RASL12: variants seen among roughly 807,000 people sequenced by gnomAD.
RASL12 encodes the protein ras-like protein family member 12.
A neutral mutation model predicts 22.9 loss-of-function variants in RASL12; 16 were observed. The observed-to-expected ratio is 0.70, with a 90% CI of 0.47 to 1.06. The LOEUF is 1.06. RASL12 is among the 50% of genes least tolerant of loss of function. RASL12 has a pLI of 0.00. For missense variants in RASL12, 306 were observed against 353.1 expected (o/e 0.87, Z 1.07); for synonymous variants, 159 against 152.2 (o/e 1.04, Z -0.33).
chr15:65,060,504 T>TA (rs1257779214), intron 2 of RASL12, among the ~76,000 whole-genome samples: 2 of 152,326 alleles, frequency 1.3e-5, no homozygotes, highest in East Asian at 3.9e-4. Flanking sequence ...GTTACTTTTT[T>TA]TATATATATG....
At chr15:65,073,265 CTATTAT>C (rs2086943953) in intron 1 of RASL12, among the ~76,000 whole-genome samples, 1 of 152,134 alleles carries the variant, frequency 6.6e-6, no homozygotes, top group Non-Finnish European at 1.5e-5. Flanking sequence ...CATTTTATTT[CTATTAT>C]TATTATAACA....
the RASL12 span, among the ~76,000 whole-genome samples, chr15:65,047,763 C>CAGAT: frequency 2.0e-5 from 3 of 150,020 alleles, no homozygotes; most frequent in Non-Finnish European, 4.4e-5. Context: ...GGTAGGTAGG[C>CAGAT]AGATAGATAG....
rs745791449 is a variant in RASL12, at chr15:65,058,388, G to A, written c.425+39C>T. ...CCACCTGACCTTACAAGTGAAGAAA[G>A]CGAGCTCTGGAGATAACGGCCAAGC... is the stretch of plus-strand genomic sequence containing the variant. On this transcript the variant is annotated intron_variant, in intron 4 of 4. Coordinates refer to ENST00000220062, the MANE Select transcript of RASL12 (RefSeq NM_016563.4). 8 of 1,403,400 alleles carry A rather than the reference G, an allele frequency of 5.7e-6. No homozygotes were observed. The East Asian group carries it at 1.8e-4, about 32-fold the overall frequency. 86.9% of individuals were successfully genotyped at this position (1,403,400 alleles called of 1,614,324 possible). A position where few individuals can be genotyped will look rare whatever the true frequency, so the allele number is the denominator to read the frequency against.
chr15:65,047,944 C>T, the RASL12 span, among the ~76,000 whole-genome samples: 12 of 152,000 alleles, frequency 7.9e-5, no homozygotes, highest in Non-Finnish European at 1.5e-4. Context: ...TTTGGGAGGC[C>T]GAGGCGAGTG....
the RASL12 span, among the ~76,000 whole-genome samples, chr15:65,048,070 G>C: frequency 6.6e-6 from 1 of 152,004 alleles, no homozygotes; most frequent in Admixed American, 6.6e-5. Context: ...CCCACTACTT[G>C]GGAGGCAGAG....
the RASL12 span, among the ~76,000 whole-genome samples, chr15:65,046,849 G>T: frequency 6.6e-6 from 1 of 151,684 alleles, no homozygotes; most frequent in Non-Finnish European, 1.5e-5. Flanking sequence ...GGAGATGGAG[G>T]TTGCAGTGAG....
chr15:65,068,479 A>G (rs924033786), upstream of RASL12, among the ~76,000 whole-genome samples: 1 of 152,066 alleles, frequency 6.6e-6, no homozygotes, highest in African/African-American at 2.4e-5. This position sits in a 1 kb window ranked among gnomAD's most constrained non-coding sequence, Gnocchi z 4.2. Context: ...TGCAGAACCC[A>G]TTCGGAACCC....
chr15:65,065,842 T>G (rs1595908731), intron 1 of RASL12, among the ~76,000 whole-genome samples: 1 of 152,230 alleles, frequency 6.6e-6, no homozygotes, highest in Non-Finnish European at 1.5e-5. Flanking sequence ...ACATCGCAAG[T>G]CTTGGCTTTC....
At chr15:65,066,073 G>A (rs118118539) in intron 1 of RASL12, among the ~76,000 whole-genome samples, 5,732 of 148,680 alleles carry the variant, frequency 0.039, 157 homozygotes, top group Middle Eastern at 0.11. Flanking sequence ...GAGTAGAGAA[G>A]AGAGAGAATA....
At chr15:65,057,370 CTCA>C (rs1461861007) in intron 4 of RASL12, among the ~76,000 whole-genome samples, 2 of 152,180 alleles carry the variant, frequency 1.3e-5, no homozygotes, top group Non-Finnish European at 2.9e-5. Context: ...AGTGGCATTA[CTCA>C]TCAAGTTCAG....
intron 2 of RASL12, among the ~76,000 whole-genome samples, chr15:65,061,072 C>T (rs1200566015): frequency 2.0e-5 from 3 of 152,232 alleles, no homozygotes; most frequent in Non-Finnish European, 1.5e-5. Flanking sequence ...TTTAGGAGTT[C>T]CCCTCAATGG....
upstream of RASL12, among the ~76,000 whole-genome samples, chr15:65,072,791 T>G (rs1391408590): frequency 1.3e-5 from 2 of 152,106 alleles, no homozygotes; most frequent in Admixed American, 1.3e-4. Context: ...TTGAACCATA[T>G]GAGCCTGAGG....
intron 2 of RASL12, 55 bp downstream of exon 2, chr15:65,065,162 G>A (rs2086861108): frequency 6.4e-7 from 1 of 1,570,106 alleles, no homozygotes; most frequent in South Asian, 1.1e-5. Context: ...TGGGTCCCAG[G>A]AGAGCACTCC....
chr15:65,047,627 C>T, the RASL12 span, among the ~76,000 whole-genome samples: 7 of 152,196 alleles, frequency 4.6e-5, no homozygotes, highest in Non-Finnish European at 8.8e-5. Context: ...GGCACTCTTA[C>T]ATCTGAGACT....
intron 2 of RASL12, among the ~76,000 whole-genome samples, chr15:65,060,596 T>G (rs1232000320): frequency 6.6e-6 from 1 of 152,220 alleles, no homozygotes; most frequent in African/African-American, 2.4e-5. Context: ...AGTCATTCTC[T>G]GCACCCCCAA....
downstream of RASL12, chr15:65,049,547 A>G (rs2086621899): frequency 1.3e-5 from 2 of 152,900 alleles, no homozygotes; most frequent in African/African-American, 2.4e-5. Context: ...CACCCAAGGG[A>G]CAAGTTGCTA....
At chr15:65,068,210 G>T, upstream of RASL12, 4 of 992,332 alleles carry the variant, frequency 4.0e-6, no homozygotes, top group Non-Finnish European at 4.8e-6. This position sits in a 1 kb window ranked among gnomAD's most constrained non-coding sequence, Gnocchi z 4.2. Context: ...GGCCGGGAAG[G>T]AGCAGAGAAG....
At chr15:65,076,395 C>T (rs2086969793) in intron 1 of RASL12, 1 of 477,040 alleles carries the variant, frequency 2.1e-6, no homozygotes, top group Admixed American at 3.5e-5. Flanking sequence ...CTGTAACACT[C>T]ACAGCGAAGG....
In RASL12 at chr15:65,054,978, A is replaced by C. The variant is rs778849228; in HGVS notation, c.722T>G (p.Val241Gly). The change falls in exon 5 of 5, where the codon GTC (valine) becomes GGC (glycine). Residue 241 changes from valine (V) to glycine (G), a missense_variant. Val to Gly is a moderately radical substitution (Grantham distance 109, BLOSUM62 -3). Coordinates refer to ENST00000220062, the MANE Select transcript of RASL12 (RefSeq NM_016563.4). The part of the protein sequence containing the change: ...EMPTVAQAKL[V>G]TVKSSRAQSK... ...CTGGGCCCGGGATGACTTCACGGTG[A>C]CCAGCTTGGCCTGGGCCACAGTGGG... 1 of 1,614,196 alleles carries C rather than the reference A, an allele frequency of 6.2e-7. No individual in the cohort carries two copies. The highest frequency in any genetic ancestry group is 2.2e-5 in the East Asian group (1 of 44,882).
Sources: allele counts gnomAD v4.1 joint callset (sites outside exome capture counted in the v4.1 genomes callset), GRCh38; gene constraint gnomAD v4.1.1; non-coding constraint Gnocchi (gnomAD v3.1); transcripts MANE v1.5; gene names NCBI Gene and HGNC (gene_info 2026-07-23, HGNC 2026-07-21).